The following STX8 variants were observed in gnomAD, a reference collection of about 807,000 sequenced individuals.
STX8 encodes the protein syntaxin 8, also known as syntaxin-8.
In STX8, 23 loss-of-function variants were observed where a neutral mutation model predicts 37.5. That is an observed-to-expected ratio of 0.61 (90% CI 0.44 to 0.87). STX8 has a LOEUF of 0.87. STX8 is among the 40% of genes least tolerant of loss of function. STX8 has a pLI of 0.00. For synonymous variants in STX8, 115 were observed against 99.1 expected (o/e 1.16, Z -0.95); for missense variants, 313 against 284.7 (o/e 1.10, Z -0.71).
At chr17:9,506,175 T>A (rs1904818181) in intron 4 of STX8, among the ~76,000 whole-genome samples, 1 of 151,912 alleles carries the variant, frequency 6.6e-6, no homozygotes, top group Non-Finnish European at 1.5e-5. Context: ...GTCCCCATGT[T>A]TTCAGGATTT....
intron 6 of STX8, among the ~76,000 whole-genome samples, chr17:9,441,967 C>T (rs939189575): frequency 6.6e-6 from 1 of 152,040 alleles, no homozygotes; most frequent in African/African-American, 2.4e-5. Flanking sequence ...CGCCTGGCAC[C>T]ATGGCTTTGA....
At chr17:9,492,483 C>G (rs144329498) in intron 5 of STX8, among the ~76,000 whole-genome samples, 1 of 152,276 alleles carries the variant, frequency 6.6e-6, no homozygotes, top group African/African-American at 2.4e-5. Flanking sequence ...CAAGTGTAGA[C>G]TGTGCCCACC....
chr17:9,478,294 C>T (rs575977274), intron 6 of STX8, among the ~76,000 whole-genome samples: 1 of 152,240 alleles, frequency 6.6e-6, no homozygotes, highest in African/African-American at 2.4e-5. Flanking sequence ...CACCATCACA[C>T]CCAGCTAATT....
At chr17:9,513,190 T>C (rs1035867499) in intron 4 of STX8, among the ~76,000 whole-genome samples, 2 of 151,010 alleles carry the variant, frequency 1.3e-5, no homozygotes, top group African/African-American at 2.4e-5. Flanking sequence ...AAAATCATAA[T>C]AATAATTGGA....
intron 7 of STX8, among the ~76,000 whole-genome samples, chr17:9,344,190 G>A (rs1218476962): frequency 6.6e-6 from 1 of 152,028 alleles, no homozygotes; most frequent in African/African-American, 2.4e-5. Flanking sequence ...TGGGAAGGAG[G>A]AAGGGGTCAA....
At chr17:9,345,709 T>C (rs542305254) in intron 7 of STX8, among the ~76,000 whole-genome samples, 2 of 119,594 alleles carry the variant, frequency 1.7e-5, no homozygotes, top group East Asian at 2.5e-4. Context: ...TTTTTTTTTG[T>C]AGTGACAACA....
At chr17:9,563,622 TAGA>T (rs1907341034) in intron 2 of STX8, among the ~76,000 whole-genome samples, 2 of 152,116 alleles carry the variant, frequency 1.3e-5, no homozygotes, top group East Asian at 3.8e-4. Flanking sequence ...AATGGTTATT[TAGA>T]AGAAGTAGGT....
intron 7 of STX8, among the ~76,000 whole-genome samples, chr17:9,276,597 G>C (rs1411914747): frequency 6.6e-6 from 1 of 151,370 alleles, no homozygotes; most frequent in Non-Finnish European, 1.5e-5. Flanking sequence ...TTTTTTGTCA[G>C]CTTTTCTTGT....
chr17:9,500,774 G>T (rs765472506), intron 5 of STX8, among the ~76,000 whole-genome samples: 1 of 152,088 alleles, frequency 6.6e-6, no homozygotes, highest in Non-Finnish European at 1.5e-5. Context: ...AGGCCGAGGC[G>T]GGCAGATCAC....
chr17:9,390,590 G>A (rs1467621113), intron 6 of STX8, among the ~76,000 whole-genome samples: 1 of 151,404 alleles, frequency 6.6e-6, no homozygotes, highest in African/African-American at 2.4e-5. Flanking sequence ...CACTTTGGGA[G>A]GCTGTGGCAG....
intron 7 of STX8, among the ~76,000 whole-genome samples, chr17:9,254,276 C>T (rs543129915): frequency 3.3e-5 from 5 of 152,266 alleles, no homozygotes; most frequent in Admixed American, 6.5e-5. Context: ...CCTTTCCATC[C>T]GGGAGCTCCC....
intron 7 of STX8, among the ~76,000 whole-genome samples, chr17:9,359,572 A>G (rs981138416): frequency 2.7e-5 from 4 of 145,644 alleles, no homozygotes; most frequent in African/African-American, 1.0e-4. Flanking sequence ...CAGTGGTGCA[A>G]TCTCGGCTCA....
At chr17:9,273,734 G>A (rs1166789850) in intron 7 of STX8, among the ~76,000 whole-genome samples, 1 of 152,236 alleles carries the variant, frequency 6.6e-6, no homozygotes, top group Non-Finnish European at 1.5e-5. Flanking sequence ...CAGGCTATTG[G>A]CTAATTGCAG....
intron 6 of STX8, among the ~76,000 whole-genome samples, chr17:9,468,033 A>C (rs967867672): frequency 6.6e-6 from 1 of 152,236 alleles, no homozygotes; most frequent in African/African-American, 2.4e-5. Context: ...GAAAAGACAC[A>C]ATATTACACA....
intron 7 of STX8, among the ~76,000 whole-genome samples, chr17:9,260,930 G>A (rs922989808): frequency 3.9e-5 from 6 of 152,220 alleles, no homozygotes; most frequent in South Asian, 2.1e-4. Context: ...AGCAACTGTC[G>A]GAAAAGAGAA....
At chr17:9,406,563 C>CT (rs1912810535) in intron 6 of STX8, among the ~76,000 whole-genome samples, 1 of 152,098 alleles carries the variant, frequency 6.6e-6, no homozygotes, top group Non-Finnish European at 1.5e-5. Flanking sequence ...CATTTCTGTC[C>CT]ACTGTGAAGG....
chr17:9,433,622 T>TG (rs957428633), intron 6 of STX8, among the ~76,000 whole-genome samples: 11 of 150,592 alleles, frequency 7.3e-5, no homozygotes, highest in African/African-American at 2.7e-4. Context: ...TTTTTGTATG[T>TG]GGGGGAAAAA....
intron 3 of STX8, among the ~76,000 whole-genome samples, chr17:9,546,359 T>G (rs999524254): frequency 1.3e-5 from 2 of 149,836 alleles, no homozygotes. Flanking sequence ...CTCTAACATC[T>G]TTTCCACAAC....
intron 7 of STX8, among the ~76,000 whole-genome samples, chr17:9,344,763 C>T (rs1333855497): frequency 1.3e-5 from 2 of 152,100 alleles, no homozygotes; most frequent in East Asian, 3.9e-4. Context: ...TGGATGATTT[C>T]CTGGTGATAT....
Sources: gnomAD v4.1 joint callset for allele counts (sites outside exome capture counted in the v4.1 genomes callset) on GRCh38, gnomAD v4.1.1 for gene constraint, MANE v1.5 for transcripts, NCBI Gene and HGNC (gene_info 2026-07-23, HGNC 2026-07-21) for gene names.